ZNF407: variants seen among roughly 807,000 people sequenced by gnomAD.
The protein encoded by ZNF407 is zinc finger protein 407.
In ZNF407, 17 loss-of-function variants were observed where a neutral mutation model predicts 131.2. The observed-to-expected ratio is 0.13, with a 90% CI of 0.09 to 0.19. The LOEUF is 0.19. Ranked by LOEUF, ZNF407 falls within the 10% of genes least tolerant of loss-of-function variation. The pLI is 1.00. For missense variants in ZNF407, 2,681 were observed against 2,830.6 expected, an observed-to-expected ratio of 0.95 and a Z score of 1.20; for synonymous variants, 1,156 against 1,062.0, an observed-to-expected ratio of 1.09 and a Z score of -1.72.
chr18:74,763,170 A>G (rs1401186284), intron 3 of ZNF407, among the ~76,000 whole-genome samples: 1 of 95,496 alleles, frequency 1.0e-5, no homozygotes, highest in Non-Finnish European at 2.1e-5. Context: ...GCATGTCCCT[A>G]ATGATTTTGA....
chr18:74,717,052 A>AAT (rs1304782939), intron 3 of ZNF407, among the ~76,000 whole-genome samples: 1 of 152,168 alleles, frequency 6.6e-6, no homozygotes, highest in African/African-American at 2.4e-5. Flanking sequence ...AAAAACAAAA[A>AAT]ATATATATAC....
rs377574301 is a variant in ZNF407, at chr18:75,063,754, A to C, written c.6033A>C (p.Gln2011His). The C allele has an allele frequency of 1.6e-5, 25 of 1,611,640 alleles. No individual in the cohort carries two copies. Among genetic ancestry groups the C allele is most frequent in the African/African-American group, 4.0e-5 (3 of 74,888 alleles). ...EVEGRAGLEE[Q>H]GRPGAKDVLI... ...AGGGCAGGGCTGGGCTCGAGGAGCA[A>C]GGCAGGCCCGGCGCCAAAGACGTGC... The change falls in exon 9 of 9, where the codon CAA becomes CAC. Residue 2011 changes from glutamine (Q) to histidine (H), a missense_variant. Physicochemically the swap from Gln to His is conservative, Grantham distance 24. Around this residue, in one of 6 missense-constraint regions of ZNF407, gnomAD observed 620 missense variants for 583.1 expected, o/e 1.06. Transcript: ENST00000299687. This position sits in a 1 kb window ranked among gnomAD's most constrained non-coding sequence, Gnocchi z 6.6.
At chr18:74,648,048 A>G (rs1288776669) in intron 3 of ZNF407, among the ~76,000 whole-genome samples, 1 of 152,172 alleles carries the variant, frequency 6.6e-6, no homozygotes, top group African/African-American at 2.4e-5. Context: ...GGAAGTGAGG[A>G]TTAAACAAAC....
At chr18:74,981,813 A>G (rs1239227914) in intron 8 of ZNF407, among the ~76,000 whole-genome samples, 1 of 152,258 alleles carries the variant, frequency 6.6e-6, no homozygotes, top group Non-Finnish European at 1.5e-5. Context: ...GCTTTAAGCT[A>G]TAAAAACTAT....
intron 3 of ZNF407, among the ~76,000 whole-genome samples, chr18:74,701,392 C>G (rs1479172159): frequency 6.6e-6 from 1 of 152,130 alleles, no homozygotes; most frequent in Non-Finnish European, 1.5e-5. Flanking sequence ...ATTGGTCATC[C>G]TGTGATGTTT....
intron 8 of ZNF407, among the ~76,000 whole-genome samples, chr18:75,058,763 G>A (rs1359666330): frequency 2.6e-5 from 4 of 152,292 alleles, no homozygotes; most frequent in East Asian, 1.9e-4. Flanking sequence ...ACTGGAGGTC[G>A]ATGTACCCAG....
chr18:74,844,199 C>T (rs1389936199), intron 4 of ZNF407, among the ~76,000 whole-genome samples: 1 of 152,006 alleles, frequency 6.6e-6, no homozygotes, highest in East Asian at 1.9e-4. Flanking sequence ...CCGTGCTTTT[C>T]CTTCCCCCAT....
At position 74,663,585 on chromosome 18, in the gene ZNF407, A is replaced by G. The variant is rs190155081; in HGVS notation, c.4802+22463A>G. ...GTGTGGGGAACTGGGAAATTTCACGATAACAAACTGCGCATTTAGGATAAT... is the reference window on the plus strand; with the variant it reads ...GTGTGGGGAACTGGGAAATTTCACGGTAACAAACTGCGCATTTAGGATAAT... On this transcript the variant is annotated intron_variant, in intron 3 of 8. Transcript: ENST00000299687. Among the ~76,000 whole-genome samples the G allele has an allele frequency of 2.3e-3, 343 of 152,302 alleles. 1 individual carries two copies. Among genetic ancestry groups the G allele is most frequent in the Admixed American group, 3.1e-3 (48 of 15,298 alleles).
chr18:74,847,852 CAAA>C (rs796557554), intron 4 of ZNF407, among the ~76,000 whole-genome samples: 4 of 123,132 alleles, frequency 3.2e-5, no homozygotes, highest in African/African-American at 1.2e-4. Context: ...AGGTAAAATA[CAAA>C]AAAAAAAAAA....
At chr18:74,673,142 A>G (rs961897564) in intron 3 of ZNF407, among the ~76,000 whole-genome samples, 24 of 152,198 alleles carry the variant, frequency 1.6e-4, no homozygotes, top group African/African-American at 5.8e-4. Flanking sequence ...TCTATGCCTT[A>G]TTGGTACTGA....
At chr18:74,605,907 AC>A (rs1982785212) in intron 1 of ZNF407, among the ~76,000 whole-genome samples, 1 of 152,202 alleles carries the variant, frequency 6.6e-6, no homozygotes, top group African/African-American at 2.4e-5. Flanking sequence ...TAGTTCCTGG[AC>A]CGTCGGTGGA....
chr18:74,691,076 C>G (rs898099124), intron 3 of ZNF407, among the ~76,000 whole-genome samples: 4 of 151,788 alleles, frequency 2.6e-5, no homozygotes, highest in African/African-American at 7.3e-5. Flanking sequence ...GTCAGGAGTT[C>G]GAGACCAGCG....
chr18:74,910,951 G>A (rs902721198), intron 7 of ZNF407, among the ~76,000 whole-genome samples: 32 of 152,084 alleles, frequency 2.1e-4, no homozygotes, highest in Middle Eastern at 3.2e-3. Flanking sequence ...GTTACCTAGT[G>A]TGATCCTCAT....
intron 3 of ZNF407, among the ~76,000 whole-genome samples, chr18:74,759,338 T>C (rs540387365): frequency 6.6e-6 from 1 of 152,336 alleles, no homozygotes; most frequent in East Asian, 1.9e-4. Flanking sequence ...GAGTTTTTCC[T>C]ATGTGGTAAT....
chr18:74,784,819 A>G (rs139083951), intron 4 of ZNF407, among the ~76,000 whole-genome samples: 130 of 152,346 alleles, frequency 8.5e-4, no homozygotes, highest in Non-Finnish European at 7.3e-4. Flanking sequence ...CTTATCTACA[A>G]TTATCACAAT....
chr18:74,811,323 A>G (rs970859826), intron 4 of ZNF407, among the ~76,000 whole-genome samples: 22 of 152,192 alleles, frequency 1.4e-4, no homozygotes, highest in African/African-American at 5.3e-4. Context: ...AACCACAATG[A>G]GATACCATCT....
intron 4 of ZNF407, among the ~76,000 whole-genome samples, chr18:74,782,563 C>T (rs1439010230): frequency 9.4e-6 from 1 of 106,882 alleles, no homozygotes; most frequent in Admixed American, 8.6e-5. Flanking sequence ...CCCTCCTCTT[C>T]TCTTCTCTTC....
At chr18:75,023,140 G>A (rs1217994924) in intron 8 of ZNF407, among the ~76,000 whole-genome samples, 1 of 152,042 alleles carries the variant, frequency 6.6e-6, no homozygotes, top group East Asian at 1.9e-4. Flanking sequence ...GAGAACACAT[G>A]GACACAGGAA....
chr18:75,011,544 A>G (rs1972974547), intron 8 of ZNF407, among the ~76,000 whole-genome samples: 1 of 152,176 alleles, frequency 6.6e-6, no homozygotes, highest in Non-Finnish European at 1.5e-5. Context: ...TTTGCTTACA[A>G]AGAATCCCAG....
Sources: gnomAD v4.1 joint callset for allele counts (sites outside exome capture counted in the v4.1 genomes callset) on GRCh38, gnomAD v4.1.1 for gene constraint, gnomAD v4.1.1 regional missense constraint, Gnocchi (gnomAD v3.1) non-coding constraint, MANE v1.5 for transcripts, NCBI Gene and HGNC (gene_info 2026-07-23, HGNC 2026-07-21) for gene names.